DCAF8L2: variants seen among roughly 807,000 people sequenced by gnomAD.
DCAF8L2 encodes DDB1- and CUL4-associated factor 8-like protein 2.
For missense variants in DCAF8L2, 430 were observed against 490.7 expected, an observed-to-expected ratio of 0.88 and a Z score of 1.17; for synonymous variants, 200 against 190.9, an observed-to-expected ratio of 1.05 and a Z score of -0.39.
At chrX:27,668,936 CAA>C (rs1188410615) in intron 2 of DCAF8L2, among the ~76,000 whole-genome samples, 10 of 79,920 alleles carry the variant, frequency 1.3e-4, no homozygotes, top group Admixed American at 1.5e-4. Context: ...GACTCTGTCT[CAA>C]AAAAAAAAAA....
the DCAF8L2 span, among the ~76,000 whole-genome samples, chrX:27,521,805 A>G: frequency 3.9e-4 from 44 of 111,881 alleles, no homozygotes; most frequent in African/African-American, 1.4e-3. Context: ...TATTAGAACG[A>G]AAAAGGTATA....
chrX:27,615,356 T>C (rs1927410698), intron 1 of DCAF8L2, among the ~76,000 whole-genome samples: 1 of 111,880 alleles, frequency 8.9e-6, no homozygotes, highest in Admixed American at 9.6e-5. Context: ...AATGTAATTT[T>C]ATAAACATTT....
At chrX:27,673,922 C>G (rs1374378776) in intron 2 of DCAF8L2, among the ~76,000 whole-genome samples, 3 of 111,063 alleles carry the variant, frequency 2.7e-5, no homozygotes, top group Non-Finnish European at 5.7e-5. Flanking sequence ...AATACCAGAC[C>G]AGGCAGCTTG....
chrX:27,607,464 T>A (rs1926961189), intron 1 of DCAF8L2, among the ~76,000 whole-genome samples: 1 of 111,639 alleles, frequency 9.0e-6, no homozygotes, highest in South Asian at 3.8e-4. Context: ...GCTTCAGTAG[T>A]CTCAGTGGTT....
the DCAF8L2 span, among the ~76,000 whole-genome samples, chrX:27,552,277 C>T: frequency 0.095 from 10,555 of 110,948 alleles, 396 homozygotes; most frequent in Non-Finnish European, 0.12. Flanking sequence ...TGTTTCCCTT[C>T]TTGTACAGAA....
At chrX:27,516,215 T>A in the DCAF8L2 span, among the ~76,000 whole-genome samples, 1 of 111,317 alleles carries the variant, frequency 9.0e-6, no homozygotes, top group South Asian at 3.7e-4. Flanking sequence ...TATTAGAACA[T>A]GTGAATATTA....
the DCAF8L2 span, among the ~76,000 whole-genome samples, chrX:27,551,495 C>T: frequency 9.1e-6 from 1 of 110,467 alleles, no homozygotes; most frequent in Non-Finnish European, 1.9e-5. Flanking sequence ...CACTGAGATA[C>T]GAAAAAAATG....
At chrX:27,502,469 A>G in the DCAF8L2 span, among the ~76,000 whole-genome samples, 5 of 98,365 alleles carry the variant, frequency 5.1e-5, no homozygotes, top group Non-Finnish European at 8.1e-5. Flanking sequence ...CCTATGGTAG[A>G]CCTGAAAAAT....
At chrX:27,720,819 T>C (rs1372374663) in intron 4 of DCAF8L2, among the ~76,000 whole-genome samples, 1 of 112,290 alleles carries the variant, frequency 8.9e-6, no homozygotes, top group Non-Finnish European at 1.9e-5. Context: ...TTTATGTGTG[T>C]GTTCTTTAAG....
chrX:27,648,992 T>C (rs1464003226), intron 2 of DCAF8L2, among the ~76,000 whole-genome samples: 2 of 111,873 alleles, frequency 1.8e-5, no homozygotes, highest in African/African-American at 6.5e-5. Flanking sequence ...CACCCGGAAA[T>C]GTTTAAAACA....
At chrX:27,550,879 G>A in the DCAF8L2 span, among the ~76,000 whole-genome samples, 2 of 110,831 alleles carry the variant, frequency 1.8e-5, no homozygotes, top group African/African-American at 6.6e-5. Flanking sequence ...GCCTATTGGA[G>A]CCATTTTTCC....
the DCAF8L2 span, among the ~76,000 whole-genome samples, chrX:27,487,858 A>G: frequency 9.0e-6 from 1 of 111,256 alleles, no homozygotes; most frequent in Non-Finnish European, 1.9e-5. Context: ...TGCAATTTCT[A>G]TTTTTGAGTG....
At position 27,685,103 on chromosome X, in the gene DCAF8L2, T is replaced by A. The variant is rs1203735076; in HGVS notation, c.-143+7191T>A. The stretch of plus-strand genomic sequence containing the variant: ...CACTAAACTTAGACTCCATGGTATA[T>A]CCCCTCCAATTTAGAGTATTATAAA... On this transcript the variant is annotated intron_variant, in intron 3 of 4. Coordinates refer to ENST00000451261, the MANE Select transcript of DCAF8L2 (RefSeq NM_001353450.2). Among the ~76,000 whole-genome samples the A allele has an allele frequency of 2.7e-5, 3 of 111,671 alleles. No homozygotes were observed. The East Asian group carries it at 8.4e-4, about 31-fold the overall frequency.
At chrX:27,720,864 G>C (rs989564180) in intron 4 of DCAF8L2, among the ~76,000 whole-genome samples, 2 of 111,116 alleles carry the variant, frequency 1.8e-5, no homozygotes, top group Non-Finnish European at 3.8e-5. Flanking sequence ...TTGGTGTTCA[G>C]ACCTTACATA....
the DCAF8L2 span, among the ~76,000 whole-genome samples, chrX:27,546,327 A>T: frequency 8.9e-6 from 1 of 111,916 alleles, no homozygotes; most frequent in African/African-American, 3.2e-5. Context: ...TTTGCAGGGT[A>T]TAGCCCCCAT....
chrX:27,504,085 T>C, the DCAF8L2 span, among the ~76,000 whole-genome samples: 13 of 112,043 alleles, frequency 1.2e-4, no homozygotes, highest in African/African-American at 4.2e-4. Context: ...ATTAATTACA[T>C]TGTGTTGGGT....
At chrX:27,611,565 G>A (rs977213312) in intron 1 of DCAF8L2, among the ~76,000 whole-genome samples, 1 of 109,608 alleles carries the variant, frequency 9.1e-6, no homozygotes, top group East Asian at 2.9e-4. Context: ...TTTACATTAG[G>A]TATTTCTCCT....
the DCAF8L2 span, among the ~76,000 whole-genome samples, chrX:27,576,852 G>A: frequency 1.2e-4 from 13 of 111,582 alleles, no homozygotes; most frequent in Non-Finnish European, 2.1e-4. Flanking sequence ...ATTTTTCTAC[G>A]TAACATTGAA....
chrX:27,604,768 C>T (rs1307748089), intron 1 of DCAF8L2, among the ~76,000 whole-genome samples: 2 of 111,343 alleles, frequency 1.8e-5, no homozygotes, highest in Admixed American at 1.9e-4. Context: ...GTATTCATTC[C>T]AGCATATTAC....
Sources: gnomAD v4.1 joint callset for allele counts (sites outside exome capture counted in the v4.1 genomes callset) on GRCh38, gnomAD v4.1.1 for gene constraint, MANE v1.5 for transcripts, NCBI Gene and HGNC (gene_info 2026-07-23, HGNC 2026-07-21) for gene names.